LRRN2: variants seen among roughly 807,000 people sequenced by gnomAD.
The protein encoded by LRRN2 is leucine-rich repeat neuronal protein 2.
Under a neutral mutation model 35.7 loss-of-function variants are expected in LRRN2, and 10 were observed. The observed-to-expected ratio is 0.28, with a 90% confidence interval of 0.17 to 0.47. The LOEUF (loss-of-function observed/expected upper bound fraction) is 0.47, where lower values mean the gene tolerates loss of function less well. Among genes scored for constraint, LRRN2 ranks in the 20% least tolerant of loss-of-function variants. The pLI, the probability that LRRN2 is intolerant of heterozygous loss-of-function variation, is 0.99. For missense variants in LRRN2, 731 were observed against 940.3 expected, an observed-to-expected ratio of 0.78 and a Z score of 2.91; for synonymous variants, 391 against 409.6, an observed-to-expected ratio of 0.95 and a Z score of 0.55.
chr1:204,646,251 T>C (rs532389448), intron 1 of LRRN2, among the ~76,000 whole-genome samples: 48 of 152,314 alleles, frequency 3.2e-4, no homozygotes, highest in African/African-American at 1.1e-3. Context: ...CCTGACTGCC[T>C]GTATTTTAGA....
intron 1 of LRRN2, among the ~76,000 whole-genome samples, chr1:204,632,347 T>C (rs1667726059): frequency 6.6e-6 from 1 of 151,860 alleles, no homozygotes; most frequent in Non-Finnish European, 1.5e-5. Context: ...TTCTTCCATA[T>C]TGGCCGGGTG....
intron 1 of LRRN2, among the ~76,000 whole-genome samples, chr1:204,632,597 C>G (rs1667733412): frequency 6.7e-6 from 1 of 148,954 alleles, no homozygotes. Flanking sequence ...CCGCTGCACC[C>G]CAGCCTGGGT....
intron 1 of LRRN2, among the ~76,000 whole-genome samples, chr1:204,670,357 C>T (rs1355243925): frequency 1.9e-4 from 29 of 151,790 alleles, no homozygotes; most frequent in Non-Finnish European, 1.5e-4. Context: ...GATCAGGCAG[C>T]GGGTGAGAAG....
rs56189865 is a variant in LRRN2, at chr1:204,676,139, C to CGTGTGTGTGTGTGT, written c.-227+9167_-227+9180dup. Among the ~76,000 whole-genome samples, 124 of 148,968 alleles carry CGTGTGTGTGTGTGT rather than the reference C, an allele frequency of 8.3e-4. 2 individuals are homozygous for CGTGTGTGTGTGTGT. Among genetic ancestry groups the CGTGTGTGTGTGTGT allele is most frequent in the African/African-American group, 3.0e-3 (120 of 40,406 alleles). On this transcript the variant is annotated intron_variant, in intron 1 of 1. Transcript: ENST00000367177. ...ATTTCCATGCAAGGTTACATGGAGCCGTGTGTGTGTGTGTGTGTGTGTGTG... is the reference window on the plus strand; with the variant it reads ...ATTTCCATGCAAGGTTACATGGAGCCGTGTGTGTGTGTGTGTGTGTGTGTGTGTGTGTGTGTGTG...
chr1:204,628,552 T>A (rs999394435), intron 1 of LRRN2: 1 of 152,220 alleles, frequency 6.6e-6, no homozygotes, highest in Non-Finnish European at 1.5e-5. Flanking sequence ...GGAGGCACAT[T>A]TCCCTGGGGG....
At chr1:204,653,788 G>A (rs1668283558) in intron 1 of LRRN2, among the ~76,000 whole-genome samples, 3 of 151,056 alleles carry the variant, frequency 2.0e-5, no homozygotes, top group African/African-American at 4.9e-5. Context: ...CTTGAGCCCT[G>A]TAGGTCAAGG....
chr1:204,645,646 C>T (rs915739730), intron 1 of LRRN2, among the ~76,000 whole-genome samples: 2 of 152,090 alleles, frequency 1.3e-5, no homozygotes, highest in African/African-American at 2.4e-5. Context: ...TGAAGAAATA[C>T]CCAAGACTGG....
chr1:204,617,327 C>A lies in LRRN2; in HGVS notation c.*524G>T, dbSNP rs1339592891. The stretch of plus-strand genomic sequence containing the variant: ...GAAAGTCAGCTTCGGAATGCCGAGC[C>A]CAGGCTGCTGAGATGAGGCGTTCCT... On this transcript the variant is annotated 3_prime_UTR_variant, in exon 2 of 2. Transcript: ENST00000367177. 1 of 153,546 alleles carries A rather than the reference C, an allele frequency of 6.5e-6. No homozygotes were observed. The highest frequency in any genetic ancestry group is 2.4e-5 in the African/African-American group (1 of 41,452). The allele number at this position is 153,546 out of a possible 1,614,324, so 9.5% of individuals were successfully genotyped here.
In LRRN2 at chr1:204,620,229, A is replaced by C; in HGVS notation, c.-226-11T>G. On this transcript the variant is annotated splice_polypyrimidine_tract_variant and intron_variant, in intron 1 of 1. Transcript: ENST00000367177. Reference sequence around the variant, plus strand: ...CCATCAGGGGCAGCCCTGGAAGAAGAGGATGCAGAGTTAAGGAGGTTGCAG... The same window carrying C: ...CCATCAGGGGCAGCCCTGGAAGAAGCGGATGCAGAGTTAAGGAGGTTGCAG... 2.8e-6 allele frequency: 4 copies of C among 1,435,402 alleles called. No homozygotes were observed. Among genetic ancestry groups the C allele is most frequent in the Non-Finnish European group, 3.7e-6 (4 of 1,092,500 alleles). The allele number at this position is 1,435,402 out of a possible 1,614,324, so 88.9% of individuals were successfully genotyped here. A position where few individuals can be genotyped will look rare whatever the true frequency, so the allele number is the denominator to read the frequency against.
At chr1:204,675,479 C>A (rs1200054218) in intron 1 of LRRN2, among the ~76,000 whole-genome samples, 2 of 152,210 alleles carry the variant, frequency 1.3e-5, no homozygotes, top group Non-Finnish European at 2.9e-5. Flanking sequence ...AGACAGGAAT[C>A]TAGAGGCTGC....
intron 1 of LRRN2, among the ~76,000 whole-genome samples, chr1:204,638,413 T>TTTTTTC (rs1667893437): frequency 7.7e-6 from 1 of 129,336 alleles, no homozygotes; most frequent in Non-Finnish European, 1.6e-5. Context: ...TTTTTTTTTT[T>TTTTTTC]TTTTTTTTTT....
intron 1 of LRRN2, among the ~76,000 whole-genome samples, chr1:204,652,281 C>CCCCCCGCT (rs1213371154): frequency 3.0e-5 from 4 of 135,186 alleles, no homozygotes; most frequent in Non-Finnish European, 4.8e-5. Flanking sequence ...GCCCCCCCGC[C>CCCCCCGCT]GCCTTCCTCC....
chr1:204,669,397 T>C (rs1668659457), intron 1 of LRRN2, among the ~76,000 whole-genome samples: 1 of 152,218 alleles, frequency 6.6e-6, no homozygotes, highest in African/African-American at 2.4e-5. Context: ...TGAAGCCAAA[T>C]CTGTGCCAGA....
In LRRN2 at chr1:204,618,131, C is replaced by T; in HGVS notation, c.1862G>A (p.Cys621Tyr). The change falls in exon 2 of 2, where the codon TGC (cysteine) becomes TAC (tyrosine). Residue 621 changes from cysteine (C) to tyrosine (Y), a missense_variant. This residue lies in a region of LRRN2 where 229 missense variants were observed against 258.4 expected (regional missense o/e 0.89). Coordinates refer to ENST00000367177, the MANE Select transcript of LRRN2 (RefSeq NM_201630.2). The part of the protein sequence containing the change: ...VWARTKEATS[C>Y]HRALGDRPGL... ...AGGACGGTCCCCTAAGGCTCTGTGG[C>T]AAGAAGTGGCCTCTTTGGTCCTGGC... 6.2e-7 allele frequency: 1 copy of T among 1,614,090 alleles called. No homozygotes were observed.
In LRRN2 at chr1:204,618,496, G is replaced by C. The variant is rs777066673; in HGVS notation, c.1497C>G (p.Ala499=). The C allele has an allele frequency of 4.3e-6, 7 of 1,614,210 alleles. No individual in the cohort carries two copies. The Admixed American group carries it at 1.2e-4, about 27-fold the overall frequency. ...TAGTGTCAGCCCCCACCAGGTTCTG[G>C]GCCACACAGGTGTATAGCCCTGCCT... ...AEEAGLYTCV[A]QNLVGADTKT... is the part of the protein sequence containing the mutation. The change falls in exon 2 of 2, where the codon GCC becomes GCG. Residue 499 remains alanine, a synonymous_variant. Transcript: ENST00000367177.
At chr1:204,682,271 G>A (rs1298137340) in intron 1 of LRRN2, among the ~76,000 whole-genome samples, 1 of 152,154 alleles carries the variant, frequency 6.6e-6, no homozygotes, top group Non-Finnish European at 1.5e-5. Flanking sequence ...TGCCCTCCCT[G>A]CCTCCTCATT....
intron 1 of LRRN2, among the ~76,000 whole-genome samples, chr1:204,652,762 C>G (rs1456658943): frequency 6.6e-6 from 1 of 152,190 alleles, no homozygotes; most frequent in African/African-American, 2.4e-5. Flanking sequence ...CAGGGTGGAG[C>G]CCGGACACCT....
intron 1 of LRRN2, among the ~76,000 whole-genome samples, chr1:204,676,409 A>G (rs1196903903): frequency 6.6e-6 from 1 of 152,122 alleles, no homozygotes; most frequent in Non-Finnish European, 1.5e-5. Context: ...TTCCAGGCCC[A>G]TAATGATCAA....
intron 1 of LRRN2, among the ~76,000 whole-genome samples, chr1:204,631,006 AG>A (rs978400604): frequency 1.3e-5 from 2 of 151,680 alleles, no homozygotes; most frequent in African/African-American, 4.8e-5. Flanking sequence ...CTCATACTGT[AG>A]TCCCCGGACC....
Sources: gnomAD v4.1 joint callset for allele counts (sites outside exome capture counted in the v4.1 genomes callset) on GRCh38, gnomAD v4.1.1 for gene constraint, gnomAD v4.1.1 regional missense constraint, MANE v1.5 for transcripts, NCBI Gene and HGNC (gene_info 2026-07-23, HGNC 2026-07-21) for gene names.